The following WWOX variants were observed in gnomAD, a reference collection of about 807,000 sequenced individuals.
WWOX encodes the protein WW domain containing oxidoreductase.
In WWOX, 69 loss-of-function variants were observed where a neutral mutation model predicts 46.2. The observed-to-expected ratio is 1.49, with a 90% CI of 1.23 to 1.82. WWOX has a LOEUF of 1.82. Ranked by LOEUF, WWOX falls within the 40% of genes most tolerant of loss-of-function variation. WWOX has a pLI of 0.00. For missense variants in WWOX, 919 were observed against 542.6 expected, an observed-to-expected ratio of 1.69 and a Z score of -6.89; for synonymous variants, 359 against 202.6, an observed-to-expected ratio of 1.77 and a Z score of -6.56.
rs532642633 is a variant in WWOX at position 78,207,104 on chromosome 16, C to T, written c.516+42815C>T. Among the ~76,000 whole-genome samples, 19 of 152,302 alleles carry T rather than the reference C, an allele frequency of 1.2e-4. No individual in the cohort carries two copies. In the East Asian group the frequency reaches 3.5e-3, roughly 28 times the overall value. On this transcript the variant is annotated intron_variant, in intron 5 of 8. Coordinates refer to ENST00000566780, the MANE Select transcript of WWOX (RefSeq NM_016373.4). The stretch of plus-strand genomic sequence containing the variant: ...ATTGGGATTAATTCTACATTGTCTA[C>T]TGGTAATACCTATTGCTCATTTTTA...
At chr16:78,139,099 G>A (rs1350357357) in intron 4 of WWOX, among the ~76,000 whole-genome samples, 1 of 152,182 alleles carries the variant, frequency 6.6e-6, no homozygotes. Flanking sequence ...GGATGGCAAA[G>A]TCATTGGGTC....
intron 8 of WWOX, among the ~76,000 whole-genome samples, chr16:78,992,844 A>C (rs954433938): frequency 2.6e-5 from 4 of 152,080 alleles, no homozygotes; most frequent in Non-Finnish European, 5.9e-5. Flanking sequence ...TTTCTCCCCA[A>C]ACCTTCTAAG....
At chr16:78,531,703 A>G (rs1344236445) in intron 8 of WWOX, among the ~76,000 whole-genome samples, 1 of 151,888 alleles carries the variant, frequency 6.6e-6, no homozygotes, top group African/African-American at 2.4e-5. Flanking sequence ...ATTTTTTTGT[A>G]TTTTGGGATT....
At chr16:78,629,983 C>T (rs562564704) in intron 8 of WWOX, among the ~76,000 whole-genome samples, 2 of 152,274 alleles carry the variant, frequency 1.3e-5, no homozygotes, top group African/African-American at 4.8e-5. Context: ...TATTTGTCCT[C>T]CCCACTTCTC....
At chr16:78,235,596 T>C (rs1597384597) in intron 5 of WWOX, among the ~76,000 whole-genome samples, 1 of 152,300 alleles carries the variant, frequency 6.6e-6, no homozygotes, top group East Asian at 1.9e-4. Flanking sequence ...GTCTCTGGTG[T>C]CTTTTGTCTT....
intron 5 of WWOX, among the ~76,000 whole-genome samples, chr16:78,300,471 C>T (rs1339766828): frequency 6.6e-6 from 1 of 151,984 alleles, no homozygotes; most frequent in Non-Finnish European, 1.5e-5. Flanking sequence ...GTGATTCCTC[C>T]TGCCATGCCT....
intron 8 of WWOX, among the ~76,000 whole-genome samples, chr16:79,161,307 C>G (rs1317205614): frequency 6.6e-6 from 1 of 152,108 alleles, no homozygotes; most frequent in Non-Finnish European, 1.5e-5. Context: ...CCTCCTAAGC[C>G]TCAGCTTATC....
At chr16:79,153,499 C>G (rs982063200) in intron 8 of WWOX, among the ~76,000 whole-genome samples, 1 of 152,120 alleles carries the variant, frequency 6.6e-6, no homozygotes, top group African/African-American at 2.4e-5. Flanking sequence ...TGTCTAGACC[C>G]CTGGAGAACA....
At chr16:78,993,971 C>T (rs944527891) in intron 8 of WWOX, among the ~76,000 whole-genome samples, 4 of 152,200 alleles carry the variant, frequency 2.6e-5, no homozygotes, top group African/African-American at 4.8e-5. Context: ...GGCAAGCCAA[C>T]AGCTCAGCCC....
intron 5 of WWOX, among the ~76,000 whole-genome samples, chr16:78,326,629 A>G (rs1444073576): frequency 1.6e-5 from 2 of 127,456 alleles, no homozygotes; most frequent in East Asian, 4.9e-4. Flanking sequence ...ACATTATTGA[A>G]AAAGAACATA....
chr16:78,188,681 G>A (rs560142831), intron 5 of WWOX, among the ~76,000 whole-genome samples: 130 of 152,098 alleles, frequency 8.5e-4, no homozygotes, highest in African/African-American at 2.9e-3. Context: ...AAACTCTGGG[G>A]CATATGAGAT....
intron 6 of WWOX, among the ~76,000 whole-genome samples, chr16:78,391,100 A>G (rs2151937277): frequency 6.6e-6 from 1 of 152,296 alleles, no homozygotes; most frequent in Admixed American, 6.5e-5. Flanking sequence ...GAAAAGCAGC[A>G]TATTGTACTG....
chr16:78,533,632 G>C (rs1271789352), intron 8 of WWOX, among the ~76,000 whole-genome samples: 1 of 152,122 alleles, frequency 6.6e-6, no homozygotes, highest in East Asian at 1.9e-4. Flanking sequence ...TGGCCTGAGA[G>C]GCAGACCTGT....
chr16:78,678,164 C>G (rs1014854196), intron 8 of WWOX, among the ~76,000 whole-genome samples: 4 of 152,118 alleles, frequency 2.6e-5, no homozygotes, highest in Non-Finnish European at 5.9e-5. Flanking sequence ...TCTCCTGGGT[C>G]CTGAGTACCA....
At chr16:79,002,546 C>G (rs1026008427) in intron 8 of WWOX, among the ~76,000 whole-genome samples, 1 of 152,090 alleles carries the variant, frequency 6.6e-6, no homozygotes, top group Non-Finnish European at 1.5e-5. Flanking sequence ...TTTGCTAAAC[C>G]TGATGACCCT....
At chr16:79,083,667 C>G (rs188885988) in intron 8 of WWOX, among the ~76,000 whole-genome samples, 10 of 152,150 alleles carry the variant, frequency 6.6e-5, no homozygotes, top group Admixed American at 2.6e-4. Flanking sequence ...GACAATTGCA[C>G]GGCACAGAGG....
intron 8 of WWOX, among the ~76,000 whole-genome samples, chr16:79,166,621 G>T (rs2050599958): frequency 6.6e-6 from 1 of 152,122 alleles, no homozygotes; most frequent in Non-Finnish European, 1.5e-5. Context: ...CTGGTTAACT[G>T]CAATCCAAGT....
At chr16:78,427,575 G>T (rs2083114691) in intron 7 of WWOX, among the ~76,000 whole-genome samples, 1 of 151,794 alleles carries the variant, frequency 6.6e-6, no homozygotes, top group South Asian at 2.1e-4. Flanking sequence ...CTCAGCTTCT[G>T]TGTAGACAGA....
intron 8 of WWOX, among the ~76,000 whole-genome samples, chr16:78,976,812 C>T (rs1261909663): frequency 6.6e-6 from 1 of 152,172 alleles, no homozygotes; most frequent in African/African-American, 2.4e-5. Context: ...CTGACAGTGT[C>T]AGTGTCTTTA....
Sources: gnomAD v4.1 joint callset for allele counts (sites outside exome capture counted in the v4.1 genomes callset) on GRCh38, gnomAD v4.1.1 for gene constraint, MANE v1.5 for transcripts, NCBI Gene and HGNC (gene_info 2026-07-23, HGNC 2026-07-21) for gene names.